EDEM2: variants seen among roughly 807,000 people sequenced by gnomAD.
EDEM2 encodes the protein ER degradation-enhancing alpha-mannosidase-like protein 2.
Under a neutral mutation model 64.8 loss-of-function variants are expected in EDEM2, and 39 were observed. The observed-to-expected ratio is 0.60, with a 90% CI of 0.47 to 0.79. EDEM2 has a LOEUF of 0.79. Ranked by LOEUF, EDEM2 falls within the 30% of genes least tolerant of loss-of-function variation. The probability of loss-of-function intolerance (pLI) is 0.00; values close to 1 mark genes in which losing one functional copy is unlikely to be tolerated. For synonymous variants in EDEM2, 296 were observed against 291.5 expected, an observed-to-expected ratio of 1.02 and a Z score of -0.16; for missense variants, 609 against 731.3, an observed-to-expected ratio of 0.83 and a Z score of 1.93.
At chr20:35,128,309 G>C (rs1358555616) in intron 7 of EDEM2, among the ~76,000 whole-genome samples, 1 of 140,988 alleles carries the variant, frequency 7.1e-6, no homozygotes, top group Non-Finnish European at 1.5e-5. Context: ...CGTGAATCCG[G>C]GAGGTGGAGT....
chr20:35,129,229 A>T (rs1288323716), intron 7 of EDEM2, among the ~76,000 whole-genome samples: 1 of 152,160 alleles, frequency 6.6e-6, no homozygotes, highest in Non-Finnish European at 1.5e-5. Context: ...CAACACAGTG[A>T]AACCCCATCT....
intron 7 of EDEM2, among the ~76,000 whole-genome samples, chr20:35,128,701 G>C (rs184658441): frequency 2.1e-4 from 31 of 150,608 alleles, no homozygotes; most frequent in Non-Finnish European, 1.6e-4. Context: ...GGATAACATG[G>C]GGAAGTGGAA....
chr20:35,139,359 A>C lies in EDEM2; in HGVS notation c.365-1354T>G, dbSNP rs2085621490. 2.0e-5 allele frequency among the ~76,000 whole-genome samples: 3 copies of C among 148,802 alleles called. No individual in the cohort carries two copies. In the South Asian group the frequency reaches 6.4e-4, roughly 32 times the overall value. On this transcript the variant is annotated intron_variant, in intron 4 of 10. Coordinates refer to ENST00000374492, the MANE Select transcript of EDEM2 (RefSeq NM_018217.3). The stretch of plus-strand genomic sequence containing the variant: ...AGTGAGACTCCGTCTCAAAAAAAAA[A>C]AAAAAAAGTCTGGGCACGGTGGCTC...
intron 6 of EDEM2, among the ~76,000 whole-genome samples, chr20:35,132,106 C>T (rs1353426115): frequency 1.3e-5 from 2 of 152,068 alleles, no homozygotes; most frequent in South Asian, 4.1e-4. Context: ...TTGCTGTTGC[C>T]GCAATCTGTC....
chr20:35,145,012 A>G lies in EDEM2; in HGVS notation c.225T>C (p.Ser75=). 6.2e-7 allele frequency: 1 copy of G among 1,614,122 alleles called. No individual in the cohort carries two copies. The highest frequency in any genetic ancestry group is 8.5e-7 in the Non-Finnish European group (1 of 1,179,968). The change falls in exon 3 of 11, where the codon TCT becomes TCC. Residue 75 remains serine (S), a synonymous_variant. Transcript: ENST00000374492. The part of the protein sequence containing the change: ...CDGHDTWGSF[S]LTLIDALDTL... ...TGTCCAGTGCATCAATTAGAGTCAG[A>G]GAAAAACTGCAAAAGGACAGAAATC...
intron 7 of EDEM2, among the ~76,000 whole-genome samples, chr20:35,130,128 GT>G (rs1247365839): frequency 2.0e-5 from 3 of 152,100 alleles, no homozygotes; most frequent in Non-Finnish European, 4.4e-5. Context: ...AAATGCAGTG[GT>G]ATGATCACGG....
At chr20:35,131,079 A>G (rs2085499645) in intron 7 of EDEM2, among the ~76,000 whole-genome samples, 3 of 152,222 alleles carry the variant, frequency 2.0e-5, no homozygotes, top group Admixed American at 2.0e-4. Context: ...AAGACAGGAA[A>G]AAAGACATTC....
Position 35,146,932 on chromosome 20 carries a change from C to T in EDEM2, c.111G>A (p.Glu37=), listed in dbSNP as rs1404912889. The change falls in exon 2 of 11, where the codon GAG becomes GAA. Residue 37 remains glutamate, a synonymous_variant. Coordinates refer to ENST00000374492, the MANE Select transcript of EDEM2 (RefSeq NM_018217.3). ...CGTGGTAGAACATGGCCTTGACTCG[C>T]TCCCTGGGTGGGGGACGAGAAATCA... is the stretch of plus-strand genomic sequence containing the variant. ...GSAPDPAHYR[E]RVKAMFYHAY... 1.9e-6 allele frequency: 3 copies of T among 1,613,056 alleles called. No homozygotes were observed. Among genetic ancestry groups the T allele is most frequent in the Non-Finnish European group, 2.5e-6 (3 of 1,179,602 alleles).
chr20:35,121,427 C>T (rs564338047), intron 9 of EDEM2, among the ~76,000 whole-genome samples: 3 of 152,168 alleles, frequency 2.0e-5, no homozygotes, highest in Non-Finnish European at 2.9e-5. Context: ...GCAATGTGAG[C>T]GATGAGGAGC....
chr20:35,116,282 C>T (rs766456460), intron 10 of EDEM2, among the ~76,000 whole-genome samples: 51 of 152,204 alleles, frequency 3.4e-4, no homozygotes, highest in Non-Finnish European at 5.6e-4. Context: ...GCCAGGATAA[C>T]AGGCGTGAGA....
At position 35,132,014 on chromosome 20, in the gene EDEM2, C is replaced by T. The variant is rs148118185; in HGVS notation, c.703-231G>A. Among the ~76,000 whole-genome samples the T allele has an allele frequency of 2.3e-3, 343 of 152,250 alleles. 1 individual carries two copies. Among genetic ancestry groups the T allele is most frequent in the Middle Eastern group, 3.4e-3 (1 of 294 alleles). ...ACATTTATGAGGACTTAATTATACA[C>T]ATTGAGCAAAAAATGAAAAAGAAAA... On this transcript the variant is annotated intron_variant, in intron 6 of 10. Coordinates refer to ENST00000374492, the MANE Select transcript of EDEM2 (RefSeq NM_018217.3).
chr20:35,146,907 C>T lies in EDEM2; in HGVS notation c.136G>A (p.Ala46Thr). 1 of 1,614,038 alleles carries T rather than the reference C, an allele frequency of 6.2e-7. No homozygotes were observed. The highest frequency in any genetic ancestry group is 8.5e-7 in the Non-Finnish European group (1 of 1,179,976). Residue 46 changes from alanine (A) to threonine (T), a missense_variant, in exon 2 of 11, where the codon GCC becomes ACC. Transcript: ENST00000374492. ...GCATTCTCCAGGTAGCTGTCGTAGG[C>T]GTGGTAGAACATGGCCTTGACTCGC... ...RERVKAMFYH[A>T]YDSYLENAFP... is the part of the protein sequence containing the mutation.
intron 2 of EDEM2, among the ~76,000 whole-genome samples, chr20:35,145,893 T>G (rs1334179068): frequency 6.6e-6 from 1 of 151,138 alleles, no homozygotes; most frequent in Non-Finnish European, 1.5e-5. Flanking sequence ...TCCCAACTAC[T>G]TGGGAGGCTG....
At chr20:35,121,793 C>T (rs1600702247) in intron 9 of EDEM2, among the ~76,000 whole-genome samples, 1 of 87,502 alleles carries the variant, frequency 1.1e-5, no homozygotes, top group East Asian at 3.6e-4. Context: ...GACAGCGGTG[C>T]CTTATGTTTT....
In EDEM2 at chr20:35,142,425, G is replaced by A. The variant is rs151130172; in HGVS notation, c.312C>T (p.Ser104=). 1,297 of 1,614,008 alleles carry A rather than the reference G, an allele frequency of 8.0e-4. No individual in the cohort carries two copies. The highest frequency in any genetic ancestry group is 9.7e-4 in the Non-Finnish European group (1,139 of 1,179,986). Residue 104 remains serine (S), a synonymous_variant, in exon 4 of 11, where the codon AGC becomes AGT. Coordinates refer to ENST00000374492, the MANE Select transcript of EDEM2 (RefSeq NM_018217.3). Reference sequence around the variant, plus strand: ...CGTTCACATCAATATCAAAGTCCACGCTGTCCTGGAGCACTTCAACCACTC... The same window carrying A: ...CGTTCACATCAATATCAAAGTCCACACTGTCCTGGAGCACTTCAACCACTC... ...FQRVVEVLQD[S]VDFDIDVNAS... is the part of the protein sequence containing the mutation.
At chr20:35,142,038 T>C (rs955601939) in intron 4 of EDEM2, among the ~76,000 whole-genome samples, 28 of 152,190 alleles carry the variant, frequency 1.8e-4, no homozygotes, top group South Asian at 2.1e-4. Flanking sequence ...GAAAATTGGA[T>C]TGGACAGACA....
At chr20:35,142,298 A>G (rs761344824) in intron 4 of EDEM2, 75 bp downstream of exon 4, 36 of 1,222,590 alleles carry the variant, frequency 2.9e-5, no homozygotes, top group Non-Finnish European at 4.0e-5. Context: ...TTAAAATCCT[A>G]TTTACCACTT....
At position 35,142,305 on chromosome 20, in the gene EDEM2, A is replaced by C. The variant is rs1339080792; in HGVS notation, c.364+68T>G. The C allele has an allele frequency of 9.4e-6, 12 of 1,278,156 alleles. No homozygotes were observed. The East Asian group carries it at 1.2e-4, about 12-fold the overall frequency. 79.2% of individuals were successfully genotyped at this position (1,278,156 alleles called of 1,614,324 possible). On this transcript the variant is annotated intron_variant, in intron 4 of 10. Coordinates refer to ENST00000374492, the MANE Select transcript of EDEM2 (RefSeq NM_018217.3). ...GTCAGTCCTTAAAATCCTATTTACC[A>C]CTTCTTGGTTTACAGAGGCAACTTC... is the stretch of plus-strand genomic sequence containing the variant.
intron 6 of EDEM2, among the ~76,000 whole-genome samples, chr20:35,133,309 G>GC (rs1192696880): frequency 6.6e-6 from 1 of 152,012 alleles, no homozygotes; most frequent in Admixed American, 6.6e-5. Flanking sequence ...GCAAAGAGGC[G>GC]CAGGTGATGG....
Sources: gnomAD v4.1 joint callset for allele counts (sites outside exome capture counted in the v4.1 genomes callset) on GRCh38, gnomAD v4.1.1 for gene constraint, MANE v1.5 for transcripts, NCBI Gene and HGNC (gene_info 2026-07-23, HGNC 2026-07-21) for gene names.